Variants in DACH1 observed in about 807,000 individuals in gnomAD.
DACH1 encodes dachshund family transcription factor 1.
A neutral mutation model predicts 54.2 loss-of-function variants in DACH1; 12 were observed. The ratio of observed to expected loss-of-function variants is 0.22; its 90% CI spans 0.14 to 0.36. DACH1 has a LOEUF of 0.36. Among genes scored for constraint, DACH1 ranks in the 10% least tolerant of loss-of-function variants. The pLI, the probability that DACH1 is intolerant of heterozygous loss-of-function variation, is 1.00. For missense variants in DACH1, 805 were observed against 929.8 expected (o/e 0.87, Z 1.75); for synonymous variants, 386 against 366.2 (o/e 1.05, Z -0.62).
At chr13:71,508,304 T>C (rs1325641426) in intron 6 of DACH1, among the ~76,000 whole-genome samples, 3 of 152,212 alleles carry the variant, frequency 2.0e-5, no homozygotes, top group African/African-American at 7.2e-5. Flanking sequence ...TTTCGTCCTG[T>C]TTCTTCATCT....
chr13:71,799,534 G>A (rs1369145651), intron 1 of DACH1, among the ~76,000 whole-genome samples: 1 of 152,000 alleles, frequency 6.6e-6, no homozygotes, highest in Non-Finnish European at 1.5e-5. Flanking sequence ...TTGCCACATG[G>A]GGCAATGACA....
chr13:71,807,520 A>T (rs1887554927), intron 1 of DACH1, among the ~76,000 whole-genome samples: 1 of 151,996 alleles, frequency 6.6e-6, no homozygotes, highest in Admixed American at 6.6e-5. Flanking sequence ...ACTCAGAGAG[A>T]AAACAGAGTG....
chr13:71,639,516 C>CA (rs1222877797), intron 2 of DACH1, among the ~76,000 whole-genome samples: 2 of 151,814 alleles, frequency 1.3e-5, no homozygotes, highest in African/African-American at 2.4e-5. Flanking sequence ...CTAACAACAA[C>CA]AAAAAAACCC....
Position 71,728,994 on chromosome 13 carries a change from A to G in DACH1, c.849-47084T>C, listed in dbSNP as rs113799609. 4.6e-5 allele frequency among the ~76,000 whole-genome samples: 7 copies of G among 152,136 alleles called. 1 individual carries two copies. The highest frequency in any genetic ancestry group is 1.7e-4 in the African/African-American group (7 of 41,558). On this transcript the variant is annotated intron_variant, in intron 1 of 10. Coordinates refer to ENST00000613252, the MANE Select transcript of DACH1 (RefSeq NM_080759.6). ...GTAATAGACAGTGAATGGAAAGCAT[A>G]TGGAAAACTTTACTTTTTTTTATTT... is the stretch of plus-strand genomic sequence containing the variant.
At chr13:71,663,889 A>G (rs542456967) in intron 2 of DACH1, among the ~76,000 whole-genome samples, 2 of 152,132 alleles carry the variant, frequency 1.3e-5, no homozygotes, top group South Asian at 4.1e-4. Context: ...AAAGTTCATT[A>G]ATATCCACAT....
intron 2 of DACH1, among the ~76,000 whole-genome samples, chr13:71,654,649 C>T (rs1878965236): frequency 6.6e-6 from 1 of 151,882 alleles, no homozygotes; most frequent in African/African-American, 2.4e-5. Flanking sequence ...GTGTAATATG[C>T]GAGTACATGG....
chr13:71,757,218 A>G (rs1885202912), intron 1 of DACH1, among the ~76,000 whole-genome samples: 1 of 152,214 alleles, frequency 6.6e-6, no homozygotes, highest in South Asian at 2.1e-4. Flanking sequence ...AAATCAATAC[A>G]TAGTAATTCA....
chr13:71,572,180 G>T (rs188412856), intron 4 of DACH1, among the ~76,000 whole-genome samples: 1 of 151,888 alleles, frequency 6.6e-6, no homozygotes, highest in East Asian at 1.9e-4. Context: ...AAAATATTTT[G>T]ATTTAAGTAC....
At chr13:71,485,560 A>C (rs1593769207) in intron 7 of DACH1, among the ~76,000 whole-genome samples, 1 of 139,484 alleles carries the variant, frequency 7.2e-6, no homozygotes, top group Non-Finnish European at 1.6e-5. Context: ...CATTCATTAT[A>C]ACTTTTCTTT....
intron 1 of DACH1, among the ~76,000 whole-genome samples, chr13:71,846,596 C>T (rs143319458): frequency 0.052 from 7,889 of 152,296 alleles, 266 homozygotes; most frequent in Non-Finnish European, 0.065. Flanking sequence ...CGCCACCTCA[C>T]TCGGCCTGAG....
At chr13:71,524,220 A>T (rs1005566458) in intron 6 of DACH1, among the ~76,000 whole-genome samples, 2 of 152,160 alleles carry the variant, frequency 1.3e-5, no homozygotes, top group African/African-American at 4.8e-5. Context: ...AATAAAGCAA[A>T]AGCTGTAAAA....
chr13:71,475,869 T>C lies in DACH1; in HGVS notation c.1871-20A>G. The C allele has an allele frequency of 5.5e-6, 8 of 1,444,078 alleles. No homozygotes were observed. The highest frequency in any genetic ancestry group is 4.0e-4 in the Middle Eastern group (2 of 4,970). 89.5% of individuals were successfully genotyped at this position (1,444,078 alleles called of 1,614,324 possible). A position where few individuals can be genotyped will look rare whatever the true frequency, so the allele number is the denominator to read the frequency against. On this transcript the variant is annotated intron_variant, in intron 8 of 10. Transcript: ENST00000613252. ...CTATGGCTAAAAAAGAGTGTATGCA[T>C]ATTATTATTATTATTTTTAAATTTT...
chr13:71,650,244 A>G (rs1292952672), intron 2 of DACH1, among the ~76,000 whole-genome samples: 1 of 152,198 alleles, frequency 6.6e-6, no homozygotes, highest in African/African-American at 2.4e-5. Flanking sequence ...CACATCAGCA[A>G]TGTTTCCTCT....
chr13:71,457,773 C>T (rs1875711864), intron 10 of DACH1, among the ~76,000 whole-genome samples: 1 of 151,852 alleles, frequency 6.6e-6, no homozygotes, highest in Non-Finnish European at 1.5e-5. Context: ...TCTATATTTT[C>T]AATATAAGAG....
chr13:71,766,837 G>A (rs549004485), intron 1 of DACH1, among the ~76,000 whole-genome samples: 281 of 137,308 alleles, frequency 2.0e-3, no homozygotes, highest in Middle Eastern at 0.016. Flanking sequence ...CTGAGAAAAG[G>A]CTTAAAAAAA....
intron 10 of DACH1, among the ~76,000 whole-genome samples, chr13:71,470,291 G>T (rs1489703927): frequency 7.0e-6 from 1 of 142,160 alleles, no homozygotes; most frequent in Non-Finnish European, 1.5e-5. Context: ...ATTAATTCTG[G>T]GTTTCCTTCT....
chr13:71,561,552 C>T (rs1363488704), intron 4 of DACH1, among the ~76,000 whole-genome samples: 1 of 152,162 alleles, frequency 6.6e-6, no homozygotes, highest in African/African-American at 2.4e-5. Context: ...AGGATTCTAC[C>T]TAGTATCTCA....
At chr13:71,790,929 C>A (rs932594148) in intron 1 of DACH1, among the ~76,000 whole-genome samples, 1 of 152,264 alleles carries the variant, frequency 6.6e-6, no homozygotes, top group Non-Finnish European at 1.5e-5. Context: ...GAAGTATAGG[C>A]TAAATGATCA....
intron 1 of DACH1, among the ~76,000 whole-genome samples, chr13:71,687,313 G>A (rs1881222353): frequency 6.6e-6 from 1 of 152,144 alleles, no homozygotes; most frequent in South Asian, 2.1e-4. Context: ...ATAGCCACTT[G>A]AACATTATGG....
Sources: allele counts gnomAD v4.1 joint callset (sites outside exome capture counted in the v4.1 genomes callset), GRCh38; gene constraint gnomAD v4.1.1; transcripts MANE v1.5; gene names NCBI Gene and HGNC (gene_info 2026-07-23, HGNC 2026-07-21).